The following ACSBG2 variants were observed in gnomAD, a reference collection of about 807,000 sequenced individuals.
The protein encoded by ACSBG2 is long-chain-fatty-acid--CoA ligase ACSBG2.
ACSBG2 carries 62 observed loss-of-function variants against 74.7 expected under a neutral mutation model. The observed-to-expected ratio is 0.83, with a 90% CI of 0.68 to 1.03. The LOEUF is 1.03. Among genes scored for constraint, ACSBG2 ranks in the 50% least tolerant of loss-of-function variants. The probability of loss-of-function intolerance (pLI) is 0.00; values close to 1 mark genes in which losing one functional copy is unlikely to be tolerated. For missense variants in ACSBG2, 730 were observed against 817.6 expected, an observed-to-expected ratio of 0.89 and a Z score of 1.31; for synonymous variants, 309 against 294.1, an observed-to-expected ratio of 1.05 and a Z score of -0.52.
intron 6 of ACSBG2, among the ~76,000 whole-genome samples, chr19:6,163,208 G>T (rs1248229591): frequency 1.0e-5 from 1 of 95,860 alleles, no homozygotes; most frequent in Non-Finnish European, 2.5e-5. Context: ...CCAGCACTTT[G>T]GGAGGCTGAG....
Position 6,180,179 on chromosome 19 carries a change from C to A in ACSBG2, c.907-2572C>A, listed in dbSNP as rs1264218110. 1.3e-5 allele frequency among the ~76,000 whole-genome samples: 2 copies of A among 152,136 alleles called. No individual in the cohort carries two copies. Among genetic ancestry groups the A allele is most frequent in the African/African-American group, 4.8e-5 (2 of 41,418 alleles). On this transcript the variant is annotated intron_variant, in intron 8 of 14. Coordinates refer to ENST00000588485, the MANE Select transcript of ACSBG2 (RefSeq NM_030924.5). This position sits in a 1 kb window ranked among gnomAD's most constrained non-coding sequence, Gnocchi z 4.3. ...GATCATCCAGGATGATCTCCCATCT[C>A]AAGATTCTTAACTTAATCCCATCTA...
chr19:6,179,221 T>A (rs1011033835), intron 8 of ACSBG2, among the ~76,000 whole-genome samples: 1 of 152,162 alleles, frequency 6.6e-6, no homozygotes, highest in Admixed American at 6.6e-5. Context: ...ATTCCTTGAT[T>A]TAGCTGGATA....
At chr19:6,172,639 C>T (rs544556269) in intron 7 of ACSBG2, among the ~76,000 whole-genome samples, 1 of 152,274 alleles carries the variant, frequency 6.6e-6, no homozygotes, top group African/African-American at 2.4e-5. Flanking sequence ...ACATAACAGC[C>T]AACACTATCT....
chr19:6,152,315 G>A (rs181413239), intron 4 of ACSBG2, among the ~76,000 whole-genome samples: 1,543 of 22,044 alleles, frequency 0.07, 351 homozygotes, highest in African/African-American at 0.13. Context: ...ACGGAGTCTC[G>A]CTCTGTCGCC....
In ACSBG2 at chr19:6,165,899, C is replaced by G; in HGVS notation, c.622C>G (p.Pro208Ala). ...DDFMELGRSI[P>A]DTQLEQVIES... ...TTTCATGGAACTTGGCAGAAGTATC[C>G]CTGACACCCAACTGGAGCAGGTCAT... The change falls in exon 7 of 15, where the codon CCT becomes GCT. Residue 208 changes from proline to alanine, a missense_variant. Coordinates refer to ENST00000588485, the MANE Select transcript of ACSBG2 (RefSeq NM_030924.5). The G allele has an allele frequency of 6.2e-7, 1 of 1,614,126 alleles. No individual in the cohort carries two copies. The highest frequency in any genetic ancestry group is 1.1e-5 in the South Asian group (1 of 91,074).
intron 3 of ACSBG2, among the ~76,000 whole-genome samples, chr19:6,149,985 A>G (rs1418133158): frequency 1.3e-5 from 2 of 151,910 alleles, no homozygotes; most frequent in African/African-American, 4.8e-5. Context: ...CCATAGTCCC[A>G]GCTACTCGGG....
In ACSBG2 at chr19:6,156,425, T is replaced by C. The variant is rs1424259672; in HGVS notation, c.387-6T>C. 6.3e-7 allele frequency: 1 copy of C among 1,590,278 alleles called. No homozygotes were observed. Among genetic ancestry groups the C allele is most frequent in the Admixed American group, 1.8e-5 (1 of 54,884 alleles). ...ATGCACACACGAATTTGTTTTCTTT[T>C]CCCAGGGGTCTTTGTGTTGGTATTT... On this transcript the variant is annotated splice_region_variant and splice_polypyrimidine_tract_variant and intron_variant, in intron 4 of 14. Transcript: ENST00000588485.
intron 4 of ACSBG2, among the ~76,000 whole-genome samples, chr19:6,154,533 G>A (rs965747499): frequency 4.0e-5 from 6 of 148,170 alleles, no homozygotes; most frequent in African/African-American, 1.5e-4. Context: ...ATAGAGAGAG[G>A]TGGAGTCTCA....
intron 11 of ACSBG2, among the ~76,000 whole-genome samples, 160 bp downstream of exon 11, chr19:6,185,813 G>A (rs568220699): frequency 2.0e-5 from 3 of 152,264 alleles, no homozygotes; most frequent in South Asian, 2.1e-4. Context: ...CTATCCTCCT[G>A]TCCAGCAAAC....
At chr19:6,185,367 G>T in intron 10 of ACSBG2, 69 bp from the exon 11 acceptor site, 1 of 1,525,724 alleles carries the variant, frequency 6.6e-7, no homozygotes, top group South Asian at 1.1e-5. Context: ...CTAGGCTGAA[G>T]ATCCAGGCAG....
intron 10 of ACSBG2, among the ~76,000 whole-genome samples, chr19:6,185,005 C>G (rs567602831): frequency 6.6e-6 from 1 of 152,156 alleles, no homozygotes; most frequent in Admixed American, 6.5e-5. Flanking sequence ...TCACTGCAGC[C>G]TTGACCTCCT....
At chr19:6,166,279 GTTGT>G (rs1174654245) in intron 7 of ACSBG2, among the ~76,000 whole-genome samples, 1 of 85,760 alleles carries the variant, frequency 1.2e-5, no homozygotes, top group African/African-American at 7.4e-5. Flanking sequence ...AGTCAGGAAG[GTTGT>G]GTGTGTGTGT....
intron 4 of ACSBG2, 92 bp downstream of exon 4, chr19:6,151,887 G>C: frequency 8.2e-7 from 1 of 1,213,588 alleles, no homozygotes; most frequent in South Asian, 1.3e-5. Context: ...GATGCAAACA[G>C]GAATTTTGGA....
rs186788944 is a variant in ACSBG2 at position 6,172,766 on chromosome 19, C to T, written c.739-4463C>T. On this transcript the variant is annotated intron_variant, in intron 7 of 14. Coordinates refer to ENST00000588485, the MANE Select transcript of ACSBG2 (RefSeq NM_030924.5). ...CAGTGCAGGATGCAGTCCAGTAGAT[C>T]GCACTTAAAAGTTAGAACCAGCAGG... is the stretch of plus-strand genomic sequence containing the variant. Among the ~76,000 whole-genome samples the T allele has an allele frequency of 8.5e-3, 1,289 of 152,220 alleles. 9 individuals are homozygous for T. The highest frequency in any genetic ancestry group is 0.017 in the Middle Eastern group (5 of 294).
chr19:6,190,090 C>CAGT (rs928385988), intron 13 of ACSBG2: 2 of 158,602 alleles, frequency 1.3e-5, no homozygotes, highest in African/African-American at 4.8e-5. Context: ...GTTGAAAACA[C>CAGT]AGTCCTTGTG....
intron 2 of ACSBG2, among the ~76,000 whole-genome samples, chr19:6,145,242 A>G (rs2088985704): frequency 6.6e-6 from 1 of 152,072 alleles, no homozygotes. Flanking sequence ...CTAAAAATAC[A>G]AAAATTAGCT....
At chr19:6,170,650 T>C (rs922022847) in intron 7 of ACSBG2, among the ~76,000 whole-genome samples, 4 of 152,200 alleles carry the variant, frequency 2.6e-5, no homozygotes, top group African/African-American at 7.2e-5. Context: ...AAGACTTTCA[T>C]TGTGGCCTAG....
intron 3 of ACSBG2, among the ~76,000 whole-genome samples, chr19:6,148,818 C>T (rs1288929839): frequency 6.6e-6 from 1 of 151,996 alleles, no homozygotes; most frequent in African/African-American, 2.4e-5. Context: ...ATCTTGGACA[C>T]CTGACTGAGC....
chr19:6,146,374 G>A (rs1181515837), intron 2 of ACSBG2, among the ~76,000 whole-genome samples: 1 of 152,148 alleles, frequency 6.6e-6, no homozygotes, highest in African/African-American at 2.4e-5. Flanking sequence ...GCAGGTTGAG[G>A]CAGAAGAATC....
Sources: gnomAD v4.1 joint callset for allele counts (sites outside exome capture counted in the v4.1 genomes callset) on GRCh38, gnomAD v4.1.1 for gene constraint, Gnocchi (gnomAD v3.1) non-coding constraint, MANE v1.5 for transcripts, NCBI Gene and HGNC (gene_info 2026-07-23, HGNC 2026-07-21) for gene names.